RAP1GDS1: variants seen among roughly 807,000 people sequenced by gnomAD.
RAP1GDS1 encodes the protein Rap1 GTPase-GDP dissociation stimulator 1, also known as RAP1, GTP-GDP dissociation stimulator 1.
In RAP1GDS1, 35 loss-of-function variants were observed where a neutral mutation model predicts 71.1. That is an observed-to-expected ratio of 0.49 (90% CI 0.38 to 0.65). RAP1GDS1 has a LOEUF of 0.65. RAP1GDS1 is among the 30% of genes least tolerant of loss of function. The pLI is 0.00. For synonymous variants in RAP1GDS1, 229 were observed against 243.1 expected (o/e 0.94, Z 0.54); for missense variants, 663 against 706.1 (o/e 0.94, Z 0.69).
At chr4:98,261,700 C>T in intron 1 of RAP1GDS1, 131 bp downstream of exon 1, 1 of 1,225,634 alleles carries the variant, frequency 8.2e-7, no homozygotes, top group South Asian at 1.4e-5. Context: ...GTGGCTGTTC[C>T]TCCGGGGAGA....
chr4:98,443,357 C>T lies in RAP1GDS1; in HGVS notation c.*1240C>T. ...AAATATAGTGTACTCTTCACTGCCA[C>T]TGCCACCACCAAATGGGTTTTTAGA... is the stretch of plus-strand genomic sequence containing the variant. On this transcript the variant is annotated 3_prime_UTR_variant, in exon 15 of 15. Transcript: ENST00000408927. 4.3e-6 allele frequency: 1 copy of T among 231,492 alleles called. No individual in the cohort carries two copies. Among genetic ancestry groups the T allele is most frequent in the Non-Finnish European group, 8.5e-6 (1 of 116,962 alleles). 14.3% of individuals were successfully genotyped at this position (231,492 alleles called of 1,614,324 possible). A position where few individuals can be genotyped will look rare whatever the true frequency, so the allele number is the denominator to read the frequency against.
chr4:98,324,778 G>T (rs1240132282), intron 2 of RAP1GDS1, among the ~76,000 whole-genome samples: 3 of 148,266 alleles, frequency 2.0e-5, no homozygotes, highest in Non-Finnish European at 3.0e-5. Context: ...ATTCAAGATG[G>T]ATTAAAGATT....
intron 2 of RAP1GDS1, among the ~76,000 whole-genome samples, chr4:98,322,849 C>A (rs1216715128): frequency 7.6e-6 from 1 of 132,432 alleles, no homozygotes; most frequent in Non-Finnish European, 1.5e-5. Context: ...CCTAACATCA[C>A]AATTAAAAGA....
intron 1 of RAP1GDS1, among the ~76,000 whole-genome samples, chr4:98,282,441 G>A (rs1725260810): frequency 1.3e-5 from 2 of 152,022 alleles, no homozygotes; most frequent in South Asian, 4.2e-4. Context: ...TATTTCTGTG[G>A]GATCGGTGGT....
intron 1 of RAP1GDS1, among the ~76,000 whole-genome samples, chr4:98,266,099 A>G (rs1369024153): frequency 6.6e-6 from 1 of 152,138 alleles, no homozygotes; most frequent in Non-Finnish European, 1.5e-5. Context: ...TTAAAATTTT[A>G]AATGTATTTT....
intron 4 of RAP1GDS1, among the ~76,000 whole-genome samples, chr4:98,374,179 G>T (rs1413411580): frequency 6.6e-6 from 1 of 152,114 alleles, no homozygotes; most frequent in East Asian, 1.9e-4. Flanking sequence ...CAGCTCTTGG[G>T]TGCTCTGGGT....
At chr4:98,299,816 G>A (rs1399558719) in intron 2 of RAP1GDS1, among the ~76,000 whole-genome samples, 1 of 151,626 alleles carries the variant, frequency 6.6e-6, no homozygotes, top group Non-Finnish European at 1.5e-5. Flanking sequence ...TGTGTTTTTA[G>A]TACCATATTG....
intron 7 of RAP1GDS1, 68 bp from the exon 8 acceptor site, chr4:98,416,677 T>C (rs1560987151): frequency 1.4e-6 from 2 of 1,419,004 alleles, no homozygotes; most frequent in Non-Finnish European, 1.9e-6. Flanking sequence ...TTCTTTATAA[T>C]GGACTGCTTA....
intron 2 of RAP1GDS1, among the ~76,000 whole-genome samples, chr4:98,312,870 C>G (rs994609340): frequency 1.3e-5 from 2 of 150,936 alleles, no homozygotes; most frequent in African/African-American, 4.9e-5. Flanking sequence ...GAGATCGAGA[C>G]CATCCTGGCT....
At chr4:98,358,901 T>A (rs541561712) in intron 4 of RAP1GDS1, among the ~76,000 whole-genome samples, 25 of 152,036 alleles carry the variant, frequency 1.6e-4, no homozygotes, top group Non-Finnish European at 1.9e-4. Flanking sequence ...TTTTTTTTTT[T>A]AAATAACTTC....
intron 8 of RAP1GDS1, among the ~76,000 whole-genome samples, 158 bp from the exon 9 acceptor site, chr4:98,417,209 T>G (rs1748162590): frequency 6.6e-6 from 1 of 152,244 alleles, no homozygotes; most frequent in Non-Finnish European, 1.5e-5. Flanking sequence ...GTCTAGTATC[T>G]ATTAAATGTT....
chr4:98,388,774 A>C (rs1028843066), intron 5 of RAP1GDS1, among the ~76,000 whole-genome samples: 1 of 152,202 alleles, frequency 6.6e-6, no homozygotes, highest in Middle Eastern at 3.4e-3. Context: ...CTGGTTCTTA[A>C]ATTTTGGTCT....
At chr4:98,371,052 T>A (rs1014031732) in intron 4 of RAP1GDS1, among the ~76,000 whole-genome samples, 1 of 152,216 alleles carries the variant, frequency 6.6e-6, no homozygotes, top group African/African-American at 2.4e-5. Flanking sequence ...TTTATCAGTT[T>A]TTGTTTTATA....
chr4:98,305,635 A>AT (rs1316424127), intron 2 of RAP1GDS1, among the ~76,000 whole-genome samples: 3 of 152,168 alleles, frequency 2.0e-5, no homozygotes, highest in African/African-American at 4.8e-5. Context: ...AACAAGATGT[A>AT]TAACAGTGAT....
chr4:98,336,144 G>A (rs1211057272), intron 2 of RAP1GDS1, among the ~76,000 whole-genome samples: 1 of 151,924 alleles, frequency 6.6e-6, no homozygotes, highest in Non-Finnish European at 1.5e-5. Flanking sequence ...CATTCTCTTA[G>A]TCTGCAGTAA....
At chr4:98,289,575 A>G (rs909210806) in intron 1 of RAP1GDS1, among the ~76,000 whole-genome samples, 1 of 139,996 alleles carries the variant, frequency 7.1e-6, no homozygotes, top group Non-Finnish European at 1.5e-5. Context: ...AAAAAAAAAA[A>G]GAAAGAAAAG....
intron 6 of RAP1GDS1, among the ~76,000 whole-genome samples, chr4:98,397,133 A>T (rs1319003127): frequency 6.6e-6 from 1 of 152,214 alleles, no homozygotes; most frequent in African/African-American, 2.4e-5. Context: ...AATAATATTA[A>T]AGAGAAATTG....
At chr4:98,262,862 A>G (rs1040104037) in intron 1 of RAP1GDS1, among the ~76,000 whole-genome samples, 1 of 152,222 alleles carries the variant, frequency 6.6e-6, no homozygotes, top group Non-Finnish European at 1.5e-5. Flanking sequence ...ACCTTTGGCC[A>G]TATATCTGGA....
intron 7 of RAP1GDS1, among the ~76,000 whole-genome samples, chr4:98,407,701 G>C (rs1183504484): frequency 1.3e-5 from 2 of 151,882 alleles, no homozygotes; most frequent in African/African-American, 4.8e-5. Flanking sequence ...GGGGTGAGGG[G>C]TAAAAAACTA....
Sources: gnomAD v4.1 joint callset for allele counts (sites outside exome capture counted in the v4.1 genomes callset) on GRCh38, gnomAD v4.1.1 for gene constraint, MANE v1.5 for transcripts, NCBI Gene and HGNC (gene_info 2026-07-23, HGNC 2026-07-21) for gene names.